Variants in KIF13A observed in about 807,000 individuals in gnomAD.
KIF13A encodes kinesin family member 13A.
KIF13A carries 79 observed loss-of-function variants against 212.2 expected under a neutral mutation model. The ratio of observed to expected loss-of-function variants is 0.37; its 90% CI spans 0.31 to 0.45. The LOEUF (loss-of-function observed/expected upper bound fraction) is 0.45. Among genes scored for constraint, KIF13A ranks in the 20% least tolerant of loss-of-function variants. The probability of loss-of-function intolerance (pLI) is 1.00; values close to 1 mark genes in which losing one functional copy is unlikely to be tolerated. For missense variants in KIF13A, 1,901 were observed against 2,209.0 expected (o/e 0.86, Z 2.79); for synonymous variants, 789 against 808.6 (o/e 0.98, Z 0.41).
chr6:17,983,552 G>C (rs1781290007), intron 2 of KIF13A, among the ~76,000 whole-genome samples: 1 of 148,144 alleles, frequency 6.8e-6, no homozygotes, highest in South Asian at 2.1e-4. Flanking sequence ...GAGTGCAGTA[G>C]CACGATCTCA....
intron 2 of KIF13A, among the ~76,000 whole-genome samples, chr6:17,931,017 T>C (rs1056656150): frequency 1.3e-5 from 2 of 152,254 alleles, no homozygotes; most frequent in African/African-American, 4.8e-5. Context: ...AACACACATA[T>C]ATGCATAATA....
At chr6:17,889,830 ATAAAAAGATT>A (rs1771881981) in intron 3 of KIF13A, among the ~76,000 whole-genome samples, 1 of 152,150 alleles carries the variant, frequency 6.6e-6, no homozygotes, top group African/African-American at 2.4e-5. Flanking sequence ...TTGGTCTTGA[ATAAAAAGATT>A]TAAATCATCT....
chr6:17,816,976 G>A lies in KIF13A; in HGVS notation c.2000+44C>T. ...AAAACCCCTCCCTCAAAGACCCACGGCCTTGGGGCCTTGACTCTGGGCTGC... is the reference window on the plus strand; with the variant it reads ...AAAACCCCTCCCTCAAAGACCCACGACCTTGGGGCCTTGACTCTGGGCTGC... On this transcript the variant is annotated intron_variant, in intron 17 of 38. Transcript: ENST00000259711. This position sits in a 1 kb window ranked among gnomAD's most constrained non-coding sequence, Gnocchi z 4.3. 1 of 1,531,148 alleles carries A rather than the reference G, an allele frequency of 6.5e-7. No homozygotes were observed. Among genetic ancestry groups the A allele is most frequent in the Non-Finnish European group, 8.9e-7 (1 of 1,127,270 alleles). 94.8% of individuals were successfully genotyped at this position (1,531,148 alleles called of 1,614,324 possible).
chr6:17,815,546 A>C (rs115424887), intron 17 of KIF13A: 12,064 of 385,688 alleles, frequency 0.031, 261 homozygotes, highest in African/African-American at 0.05. Flanking sequence ...CCTGTTTGGG[A>C]GTAACAGAGG....
intron 2 of KIF13A, among the ~76,000 whole-genome samples, chr6:17,964,125 C>A (rs1364043594): frequency 6.6e-6 from 1 of 151,928 alleles, no homozygotes; most frequent in African/African-American, 2.4e-5. Context: ...CTCTGAACAC[C>A]CACACCCACA....
chr6:17,849,462 T>C lies in KIF13A; in HGVS notation c.745A>G (p.Ser249Gly), dbSNP rs1450766444. The change falls in exon 9 of 39, where the codon AGC (serine) becomes GGC (glycine). Residue 249 changes from serine to glycine, a missense_variant. Coordinates refer to ENST00000259711, the MANE Select transcript of KIF13A (RefSeq NM_022113.6). The surrounding 1 kb of genome is among the most constrained non-coding windows in gnomAD (Gnocchi z 5.7). Reference protein sequence around the residue: ...GNSGEKVSKVSLVDLAGSERV... With the variant: ...GNSGEKVSKVGLVDLAGSERV... Reference sequence around the variant, plus strand: ...TCGCTACCCGCCAGGTCTACCAAGCTGACCTTACTGACTTTCTCCCCGGAA... The same window carrying C: ...TCGCTACCCGCCAGGTCTACCAAGCCGACCTTACTGACTTTCTCCCCGGAA... 1 of 1,613,664 alleles carries C rather than the reference T, an allele frequency of 6.2e-7. No homozygotes were observed.
rs1581516401 is a variant in KIF13A, at chr6:17,849,273, C to T, written c.830+104G>A. 3.2e-5 allele frequency: 24 copies of T among 744,416 alleles called. No homozygotes were observed. The South Asian group carries it at 4.5e-4, about 14-fold the overall frequency. The allele number at this position is 744,416 out of a possible 1,614,324, so 46.1% of individuals were successfully genotyped here. A position where few individuals can be genotyped will look rare whatever the true frequency, so the allele number is the denominator to read the frequency against. ...TTCAGCCCAGTTTACTAAAGCTATA[C>T]AGACTTTAAACAACCTGTACATCAG... On this transcript the variant is annotated intron_variant, in intron 9 of 38. Coordinates refer to ENST00000259711, the MANE Select transcript of KIF13A (RefSeq NM_022113.6). The surrounding 1 kb of genome is among the most constrained non-coding windows in gnomAD (Gnocchi z 5.7).
At position 17,987,415 on chromosome 6, in the gene KIF13A, G is replaced by C. The variant is rs917131859; in HGVS notation, c.49C>G (p.Arg17Gly). 21 of 1,371,322 alleles carry C rather than the reference G, an allele frequency of 1.5e-5. No individual in the cohort carries two copies. The highest frequency in any genetic ancestry group is 2.0e-5 in the Non-Finnish European group (21 of 1,033,768). The allele number at this position is 1,371,322 out of a possible 1,614,324, so 84.9% of individuals were successfully genotyped here. The change falls in exon 1 of 39, where the codon CGA becomes GGA. Residue 17 changes from arginine (R) to glycine (G), a missense_variant. By Grantham distance (125) the Arg-to-Gly change is moderately radical. This residue lies in a region of KIF13A where 506 missense variants were observed against 637.4 expected (regional missense o/e 0.79). Coordinates refer to ENST00000259711, the MANE Select transcript of KIF13A (RefSeq NM_022113.6). The surrounding 1 kb of genome is among the most constrained non-coding windows in gnomAD (Gnocchi z 7.7). ...KVAVRVRPMNRRELELNTKCV... is the reference protein window; with the variant it reads ...KVAVRVRPMNGRELELNTKCV... ...AGAGCGGAAAGCTCCTCACCTCGTCGGTTCATGGGCCGGACCCGGACGGCA... is the reference window on the plus strand; with the variant it reads ...AGAGCGGAAAGCTCCTCACCTCGTCCGTTCATGGGCCGGACCCGGACGGCA...
chr6:17,825,901 C>G lies in KIF13A; in HGVS notation c.1653G>C (p.Trp551Cys), dbSNP rs761883927. 1.9e-6 allele frequency: 3 copies of G among 1,613,978 alleles called. No homozygotes were observed. Among genetic ancestry groups the G allele is most frequent in the Non-Finnish European group, 2.5e-6 (3 of 1,179,888 alleles). Residue 551 changes from tryptophan to cysteine, a missense_variant, in exon 16 of 39, where the codon TGG becomes TGC. This residue lies in a region of KIF13A where 534 missense variants were observed against 536.9 expected (regional missense o/e 0.99). Coordinates refer to ENST00000259711, the MANE Select transcript of KIF13A (RefSeq NM_022113.6). The surrounding 1 kb of genome is among the most constrained non-coding windows in gnomAD (Gnocchi z 4.5). ...INLPKRKRRD[W>C]LKDFEKETGP... Reference sequence around the variant, plus strand: ...CCGTTTCTTTTTCAAAGTCTTTCAACCAATCTCGACGTTTCCTCTTAGGTA... The same window carrying G: ...CCGTTTCTTTTTCAAAGTCTTTCAAGCAATCTCGACGTTTCCTCTTAGGTA...
chr6:17,905,680 T>TTAA lies in KIF13A; in HGVS notation c.147-7503_147-7501dup, dbSNP rs200591770. On this transcript the variant is annotated intron_variant, in intron 2 of 38. Coordinates refer to ENST00000259711, the MANE Select transcript of KIF13A (RefSeq NM_022113.6). ...CGCCTGGAGCAGAATTTAGGAGGAC[T>TTAA]TAATAGGAATTCACCAAGCTGACAA... Among the ~76,000 whole-genome samples, 1,052 of 152,304 alleles carry TTAA rather than the reference T, an allele frequency of 6.9e-3. 9 individuals carry two copies. Among genetic ancestry groups the TTAA allele is most frequent in the African/African-American group, 0.024 (994 of 41,560 alleles).
chr6:17,793,153 C>T (rs770020886), intron 25 of KIF13A, among the ~76,000 whole-genome samples: 3 of 152,108 alleles, frequency 2.0e-5, no homozygotes, highest in Non-Finnish European at 2.9e-5. Flanking sequence ...GATCTTGGCT[C>T]ACTTGCAGCC....
chr6:17,785,747 T>TA lies in KIF13A; in HGVS notation c.3362-107dup. The TA allele has an allele frequency of 8.6e-7, 1 of 1,161,910 alleles. No homozygotes were observed. The allele number at this position is 1,161,910 out of a possible 1,614,324, so 72.0% of individuals were successfully genotyped here. ...GGGCAACATAGTGAGACCCCATCTC[T>TA]ACCAAAAAAAAAAAAATAGTTGGGC... On this transcript the variant is annotated intron_variant, in intron 27 of 38. Coordinates refer to ENST00000259711, the MANE Select transcript of KIF13A (RefSeq NM_022113.6). This position sits in a 1 kb window ranked among gnomAD's most constrained non-coding sequence, Gnocchi z 5.8.
intron 18 of KIF13A, 102 bp downstream of exon 18, chr6:17,808,666 T>C (rs1392914656): frequency 1.3e-5 from 14 of 1,056,936 alleles, no homozygotes; most frequent in African/African-American, 3.2e-5. Context: ...CTGGCTGATA[T>C]CAGGATCTCC....
chr6:17,782,634 C>CAAAACAAAACAAAACAA (rs1561966340), intron 29 of KIF13A, among the ~76,000 whole-genome samples: 2 of 80,228 alleles, frequency 2.5e-5, no homozygotes, highest in Non-Finnish European at 5.0e-5. Flanking sequence ...GACTCTGTCT[C>CAAAACAAAACAAAACAA]AAAACAAAAC....
chr6:17,954,834 T>G (rs536551013), intron 2 of KIF13A, among the ~76,000 whole-genome samples: 1 of 152,008 alleles, frequency 6.6e-6, no homozygotes, highest in Admixed American at 6.6e-5. Context: ...GCATCACACC[T>G]GGCTAATTAA....
chr6:17,976,117 C>A (rs1780427382), intron 2 of KIF13A, among the ~76,000 whole-genome samples: 1 of 152,270 alleles, frequency 6.6e-6, no homozygotes. Context: ...GACTCAGGAG[C>A]CCAGCTGGCT....
In KIF13A at chr6:17,961,257, G is replaced by A. The variant is rs1195271457; in HGVS notation, c.146+25797C>T. The stretch of plus-strand genomic sequence containing the variant: ...AATGAGATCTGGACTTGGCAAGGAG[G>A]TGGACTTCACTAGTGTGGGCTGGTA... On this transcript the variant is annotated intron_variant, in intron 2 of 38. Coordinates refer to ENST00000259711, the MANE Select transcript of KIF13A (RefSeq NM_022113.6). This position sits in a 1 kb window ranked among gnomAD's most constrained non-coding sequence, Gnocchi z 4.1. Among the ~76,000 whole-genome samples the A allele has an allele frequency of 6.6e-6, 1 of 152,214 alleles. No homozygotes were observed. The highest frequency in any genetic ancestry group is 1.5e-5 in the Non-Finnish European group (1 of 68,034).
At chr6:17,950,853 C>T in intron 2 of KIF13A, 15 of 981,876 alleles carry the variant, frequency 1.5e-5, no homozygotes, top group Non-Finnish European at 1.8e-5. Context: ...AAAAATACAA[C>T]ACTATTGAAC....
rs183962561 is a variant in KIF13A, at chr6:17,915,415, T to A, written c.147-17235A>T. On this transcript the variant is annotated intron_variant, in intron 2 of 38. Transcript: ENST00000259711. The surrounding 1 kb of genome is among the most constrained non-coding windows in gnomAD (Gnocchi z 4.4). ...TATAAAGCTTTTAAAAGCAGCAGAG[T>A]AACACACGCGATGCAAGGCCCCTCA... Among the ~76,000 whole-genome samples the A allele has an allele frequency of 1.1e-3, 167 of 152,248 alleles. No individual in the cohort carries two copies. Among genetic ancestry groups the A allele is most frequent in the African/African-American group, 3.9e-3 (160 of 41,536 alleles).
Sources: allele counts gnomAD v4.1 joint callset (sites outside exome capture counted in the v4.1 genomes callset), GRCh38; gene constraint gnomAD v4.1.1; regional missense constraint gnomAD v4.1.1; non-coding constraint Gnocchi (gnomAD v3.1); transcripts MANE v1.5; gene names NCBI Gene and HGNC (gene_info 2026-07-23, HGNC 2026-07-21).